AAK1: variants seen among roughly 807,000 people sequenced by gnomAD.
The protein encoded by AAK1 is AP2 associated kinase 1.
In AAK1, 37 loss-of-function variants were observed where a neutral mutation model predicts 116.0. That is an observed-to-expected ratio of 0.32 (90% CI 0.25 to 0.42). The LOEUF (loss-of-function observed/expected upper bound fraction) is 0.42. Ranked by LOEUF, AAK1 falls within the 10% of genes least tolerant of loss-of-function variation. The pLI is 1.00. For missense variants in AAK1, 919 were observed against 1,170.6 expected (o/e 0.79, Z 3.14); for synonymous variants, 458 against 439.9 (o/e 1.04, Z -0.51).
chr2:69,625,507 T>C (rs987784010), intron 2 of AAK1, among the ~76,000 whole-genome samples: 14 of 152,200 alleles, frequency 9.2e-5, no homozygotes, highest in African/African-American at 3.4e-4. Context: ...ATGTTAGAGT[T>C]GGAAAGTAAA....
rs551493849 is a variant in AAK1 at position 69,508,778 on chromosome 2, G to C, written c.2006+453C>G. Among the ~76,000 whole-genome samples the C allele has an allele frequency of 2.0e-5, 3 of 152,334 alleles. No individual in the cohort carries two copies. In the South Asian group the frequency reaches 6.2e-4, roughly 32 times the overall value. ...GCAGTCCCAGGAGAGGGCACAGGAG[G>C]AACAAAGGGCTCGGGAAGGTGAAGA... On this transcript the variant is annotated intron_variant, in intron 14 of 21. Coordinates refer to ENST00000409085, the MANE Select transcript of AAK1 (RefSeq NM_014911.5).
In AAK1 at chr2:69,557,937, G is replaced by A. The variant is rs141747022; in HGVS notation, c.164-959C>T. 2.2e-4 allele frequency among the ~76,000 whole-genome samples: 33 copies of A among 152,264 alleles called. No homozygotes were observed. In the East Asian group the frequency reaches 5.8e-3, roughly 27 times the overall value. On this transcript the variant is annotated intron_variant, in intron 2 of 21. Transcript: ENST00000409085. ...GCTGTTGAGAAGATACATGATAAGG[G>A]TAAGAAAGTGCTATTCCACATAGCA...
At chr2:69,503,426 A>G (rs528693536) in intron 16 of AAK1, among the ~76,000 whole-genome samples, 2 of 152,378 alleles carry the variant, frequency 1.3e-5, no homozygotes, top group East Asian at 3.9e-4. Context: ...TGTTTATAAT[A>G]GTAAATACTG....
chr2:69,595,539 A>G (rs891303697), intron 2 of AAK1, among the ~76,000 whole-genome samples: 1 of 152,224 alleles, frequency 6.6e-6, no homozygotes, highest in South Asian at 2.1e-4. Context: ...AGGCACCACT[A>G]ACTCTCCTCA....
At chr2:69,529,604 A>ATG (rs1670167793) in intron 8 of AAK1, among the ~76,000 whole-genome samples, 1 of 152,254 alleles carries the variant, frequency 6.6e-6, no homozygotes, top group Non-Finnish European at 1.5e-5. Flanking sequence ...AGTCTTAATT[A>ATG]TCTATTCACT....
chr2:69,588,619 TGCTAA>T (rs1269486095), intron 2 of AAK1, among the ~76,000 whole-genome samples: 1 of 152,220 alleles, frequency 6.6e-6, no homozygotes, highest in African/African-American at 2.4e-5. Context: ...CATCTGTGGG[TGCTAA>T]GCTAATTGCA....
At chr2:69,619,370 T>C (rs1674484747) in intron 2 of AAK1, among the ~76,000 whole-genome samples, 1 of 152,266 alleles carries the variant, frequency 6.6e-6, no homozygotes, top group South Asian at 2.1e-4. Context: ...CAAACTTATC[T>C]ATATCCATAC....
intron 6 of AAK1, chr2:69,531,505 TG>T: frequency 2.3e-6 from 2 of 866,464 alleles, no homozygotes; most frequent in Non-Finnish European, 2.8e-6. Flanking sequence ...GAGGAGAAAA[TG>T]GGTCAGGCTC....
intron 2 of AAK1, among the ~76,000 whole-genome samples, chr2:69,570,893 G>A (rs138209553): frequency 6.6e-6 from 1 of 152,120 alleles, no homozygotes; most frequent in Admixed American, 6.5e-5. Context: ...GTGCTTTTCT[G>A]TATGTACCCT....
chr2:69,529,465 G>C (rs1479552728), intron 8 of AAK1, among the ~76,000 whole-genome samples: 1 of 151,910 alleles, frequency 6.6e-6, no homozygotes, highest in Non-Finnish European at 1.5e-5. Flanking sequence ...ACATATGCTT[G>C]CTATGATGAT....
chr2:69,473,403 G>A lies in AAK1; in HGVS notation c.*2466C>T. ...AGGGATGATGCTCTAAACCAAGGAA[G>A]GCTCCGTTTACCAAAGCACTCATAT... On this transcript the variant is annotated 3_prime_UTR_variant, in exon 22 of 22. Transcript: ENST00000409085. The A allele has an allele frequency of 2.0e-6, 2 of 985,454 alleles. No homozygotes were observed. Among genetic ancestry groups the A allele is most frequent in the Non-Finnish European group, 2.4e-6 (2 of 829,954 alleles). The allele number at this position is 985,454 out of a possible 1,614,324, so 61.0% of individuals were successfully genotyped here. A position where few individuals can be genotyped will look rare whatever the true frequency, so the allele number is the denominator to read the frequency against.
intron 6 of AAK1, among the ~76,000 whole-genome samples, chr2:69,531,433 G>T (rs922863002): frequency 1.3e-5 from 2 of 152,182 alleles, no homozygotes; most frequent in Non-Finnish European, 2.9e-5. Context: ...AGGCTAGACT[G>T]TTGACTTATT....
chr2:69,585,999 G>C (rs991495240), intron 2 of AAK1, among the ~76,000 whole-genome samples: 2 of 152,150 alleles, frequency 1.3e-5, no homozygotes, highest in Non-Finnish European at 2.9e-5. Context: ...CCCTCTGCCT[G>C]ATTGGTGCGG....
chr2:69,560,834 CAGTG>C (rs1671601628), intron 2 of AAK1, among the ~76,000 whole-genome samples: 1 of 152,134 alleles, frequency 6.6e-6, no homozygotes. Context: ...GTTTAACACA[CAGTG>C]AGCATTCAAT....
At chr2:69,621,534 G>C (rs1559010054) in intron 2 of AAK1, among the ~76,000 whole-genome samples, 2 of 152,078 alleles carry the variant, frequency 1.3e-5, no homozygotes, top group Admixed American at 6.5e-5. Flanking sequence ...CAAATGAGAT[G>C]AACAGAAGCC....
chr2:69,526,813 G>C (rs927846077), intron 9 of AAK1, among the ~76,000 whole-genome samples: 1 of 152,316 alleles, frequency 6.6e-6, no homozygotes, highest in South Asian at 2.1e-4. Flanking sequence ...GGAGAACGGG[G>C]ACAAGGGGCG....
intron 2 of AAK1, among the ~76,000 whole-genome samples, chr2:69,562,321 G>A (rs1339647391): frequency 1.3e-5 from 2 of 152,158 alleles, no homozygotes; most frequent in Non-Finnish European, 2.9e-5. Context: ...CTTCCCTATA[G>A]ATCCTTCAAC....
chr2:69,538,995 A>C (rs1267423995), intron 5 of AAK1, among the ~76,000 whole-genome samples: 2 of 152,230 alleles, frequency 1.3e-5, no homozygotes, highest in African/African-American at 4.8e-5. Context: ...CTCACCTCTG[A>C]GCCCTTTCAG....
chr2:69,590,640 T>C (rs1172034670), intron 2 of AAK1, among the ~76,000 whole-genome samples: 1 of 152,226 alleles, frequency 6.6e-6, no homozygotes, highest in African/African-American at 2.4e-5. Context: ...TCAAAAACCA[T>C]TTTTAGATTT....
Sources: allele counts gnomAD v4.1 joint callset (sites outside exome capture counted in the v4.1 genomes callset), GRCh38; gene constraint gnomAD v4.1.1; transcripts MANE v1.5; gene names NCBI Gene and HGNC (gene_info 2026-07-23, HGNC 2026-07-21).